Variants in GALNT13 observed in about 807,000 individuals in gnomAD.
GALNT13 encodes the protein polypeptide N-acetylgalactosaminyltransferase 13, also known as UDP-GalNAc:polypeptide N-acetylgalactosaminyltransferase 13.
GALNT13 carries 28 observed loss-of-function variants against 64.2 expected under a neutral mutation model. The ratio of observed to expected loss-of-function variants is 0.44; its 90% confidence interval spans 0.32 to 0.60. The LOEUF (loss-of-function observed/expected upper bound fraction) is 0.60. Ranked by LOEUF, GALNT13 falls within the 20% of genes least tolerant of loss-of-function variation. The probability of loss-of-function intolerance (pLI) is 0.05; values close to 1 mark genes in which losing one functional copy is unlikely to be tolerated. For synonymous variants in GALNT13, 214 were observed against 224.6 expected (o/e 0.95, Z 0.42); for missense variants, 577 against 669.8 (o/e 0.86, Z 1.53).
At chr2:153,425,415 AT>A in the GALNT13 span, among the ~76,000 whole-genome samples, 1 of 151,722 alleles carries the variant, frequency 6.6e-6, no homozygotes, top group Non-Finnish European at 1.5e-5. Flanking sequence ...TGAAAACCAA[AT>A]TATTTGGTTT....
chr2:153,817,819 A>G, the GALNT13 span, among the ~76,000 whole-genome samples: 1 of 152,206 alleles, frequency 6.6e-6, no homozygotes, highest in Non-Finnish European at 1.5e-5. Context: ...AACTACCCAA[A>G]TTTATACCAA....
rs150784898 is a variant in GALNT13, at chr2:154,131,629, A to T, written c.143-8708A>T. ...GGTTATATTCATTTTCACTGAAGCC[A>T]GATTTTTCGTTAATACCTAGCTAAA... On this transcript the variant is annotated intron_variant, in intron 3 of 12. Transcript: ENST00000392825. Among the ~76,000 whole-genome samples, 590 of 152,314 alleles carry T rather than the reference A, an allele frequency of 3.9e-3. 2 individuals are homozygous for T. The highest frequency in any genetic ancestry group is 0.014 in the African/African-American group (565 of 41,568).
At chr2:154,372,862 T>A (rs2348925) in intron 9 of GALNT13, among the ~76,000 whole-genome samples, 1 of 151,664 alleles carries the variant, frequency 6.6e-6, no homozygotes, top group Non-Finnish European at 1.5e-5. Context: ...ACCTAAATCA[T>A]GAAAATTGTA....
At chr2:153,491,146 A>G in the GALNT13 span, among the ~76,000 whole-genome samples, 14 of 152,202 alleles carry the variant, frequency 9.2e-5, no homozygotes, top group East Asian at 2.3e-3. Context: ...TAGGAGATGA[A>G]ATGAAAAAAG....
chr2:154,417,771 C>G (rs1181940134), intron 11 of GALNT13, among the ~76,000 whole-genome samples: 2 of 152,016 alleles, frequency 1.3e-5, no homozygotes, highest in African/African-American at 2.4e-5. Context: ...CTCCACATCC[C>G]AAAGTGCTGG....
chr2:154,359,256 G>A (rs1211891033), intron 9 of GALNT13, among the ~76,000 whole-genome samples: 2 of 152,042 alleles, frequency 1.3e-5, no homozygotes, highest in Admixed American at 1.3e-4. Context: ...TAGAGCATCA[G>A]CGGGACAAGT....
At chr2:154,202,449 CTTA>C (rs1310851574) in intron 4 of GALNT13, among the ~76,000 whole-genome samples, 5 of 152,006 alleles carry the variant, frequency 3.3e-5, no homozygotes, top group Admixed American at 6.6e-5. Flanking sequence ...GGCACATATT[CTTA>C]AGTGGACACT....
At chr2:154,179,665 C>G (rs1366125292) in intron 4 of GALNT13, among the ~76,000 whole-genome samples, 1 of 151,844 alleles carries the variant, frequency 6.6e-6, no homozygotes, top group East Asian at 1.9e-4. Flanking sequence ...ATGAAACAGG[C>G]CACAAAGACG....
At chr2:153,660,400 A>G in the GALNT13 span, among the ~76,000 whole-genome samples, 3 of 152,064 alleles carry the variant, frequency 2.0e-5, no homozygotes, top group Non-Finnish European at 4.4e-5. Context: ...TTTGGAACTT[A>G]CGTGAAATAT....
the GALNT13 span, among the ~76,000 whole-genome samples, chr2:153,819,451 CACAGAG>C: frequency 1.3e-5 from 2 of 152,144 alleles, no homozygotes; most frequent in Non-Finnish European, 2.9e-5. Flanking sequence ...CTCACTCCCA[CACAGAG>C]ACTTCAGTGC....
intron 3 of GALNT13, among the ~76,000 whole-genome samples, chr2:154,053,358 C>T (rs1169739245): frequency 6.6e-6 from 1 of 151,894 alleles, no homozygotes; most frequent in Non-Finnish European, 1.5e-5. Flanking sequence ...CATCCTTTTC[C>T]TATTATTATT....
At chr2:153,587,327 AAG>A in the GALNT13 span, among the ~76,000 whole-genome samples, 1 of 152,188 alleles carries the variant, frequency 6.6e-6, no homozygotes, top group African/African-American at 2.4e-5. Context: ...AAGCAGTGCT[AAG>A]AGGGAAGTTT....
At chr2:153,747,410 A>G in the GALNT13 span, among the ~76,000 whole-genome samples, 1 of 148,290 alleles carries the variant, frequency 6.7e-6, no homozygotes, top group Admixed American at 6.7e-5. Flanking sequence ...CAAATCTCCA[A>G]AAGTGCCTTT....
chr2:154,219,744 C>T (rs1285008267), intron 4 of GALNT13, among the ~76,000 whole-genome samples: 1 of 152,046 alleles, frequency 6.6e-6, no homozygotes, highest in Non-Finnish European at 1.5e-5. Context: ...GATATCTAGC[C>T]CTTAATGTGC....
chr2:154,087,619 C>A (rs1701598506), intron 3 of GALNT13, among the ~76,000 whole-genome samples: 1 of 151,982 alleles, frequency 6.6e-6, no homozygotes. Context: ...CAGTAGTCTT[C>A]AACTATATCT....
the GALNT13 span, among the ~76,000 whole-genome samples, chr2:153,455,561 A>G: frequency 6.6e-6 from 1 of 152,220 alleles, no homozygotes; most frequent in Non-Finnish European, 1.5e-5. Flanking sequence ...GTGAGCGGGT[A>G]CAGGAACCAG....
chr2:153,747,207 C>A, the GALNT13 span, among the ~76,000 whole-genome samples: 1 of 152,018 alleles, frequency 6.6e-6, no homozygotes, highest in Admixed American at 6.6e-5. Flanking sequence ...CTTTGTATTA[C>A]AAGCTATCCA....
At chr2:154,303,341 G>A (rs970902152) in intron 9 of GALNT13, among the ~76,000 whole-genome samples, 2 of 151,956 alleles carry the variant, frequency 1.3e-5, no homozygotes, top group East Asian at 1.9e-4. Context: ...CATAGAGTGC[G>A]GGAAGGCTGG....
At chr2:153,503,078 TTTAA>T in the GALNT13 span, among the ~76,000 whole-genome samples, 2 of 152,218 alleles carry the variant, frequency 1.3e-5, no homozygotes, top group Non-Finnish European at 2.9e-5. Flanking sequence ...AGCTTTTTAG[TTTAA>T]TTAACTCTCA....
Sources: gnomAD v4.1 joint callset for allele counts (sites outside exome capture counted in the v4.1 genomes callset) on GRCh38, gnomAD v4.1.1 for gene constraint, MANE v1.5 for transcripts, NCBI Gene and HGNC (gene_info 2026-07-23, HGNC 2026-07-21) for gene names.